CAMK2G: variants seen among roughly 807,000 people sequenced by gnomAD.
CAMK2G encodes the protein calcium/calmodulin-dependent protein kinase type II subunit gamma.
A neutral mutation model predicts 88.7 loss-of-function variants in CAMK2G; 23 were observed. That is an observed-to-expected ratio of 0.26 (90% CI 0.19 to 0.37). CAMK2G has a LOEUF of 0.37. Ranked by LOEUF, CAMK2G falls within the 10% of genes least tolerant of loss-of-function variation. The probability of loss-of-function intolerance (pLI) is 1.00; values close to 1 mark genes in which losing one functional copy is unlikely to be tolerated. For synonymous variants in CAMK2G, 263 were observed against 294.8 expected (o/e 0.89, Z 1.11); for missense variants, 476 against 780.8 (o/e 0.61, Z 4.65).
chr10:73,817,487 C>T lies in CAMK2G; in HGVS notation c.1431G>A (p.Glu477=). The T allele has an allele frequency of 6.2e-7, 1 of 1,609,662 alleles. No homozygotes were observed. Among genetic ancestry groups the T allele is most frequent in the Non-Finnish European group, 8.5e-7 (1 of 1,175,916 alleles). The change falls in exon 20 of 23, where the codon GAG becomes GAA. Residue 477 remains glutamate (E), a synonymous_variant. Coordinates refer to ENST00000423381, the MANE Select transcript of CAMK2G (RefSeq NM_001367534.1). ...LIEAINNGDF[E]AYTKICDPGL... ...AATGGGTCTCTACTTACGTGTAGGC[C>T]TCAAAGTCCCCATTGTTGATGGCTT...
chr10:73,871,918 T>C (rs1025506678), intron 2 of CAMK2G, among the ~76,000 whole-genome samples: 4 of 152,150 alleles, frequency 2.6e-5, no homozygotes. Flanking sequence ...GGGACATCTA[T>C]TATGTCTCTT....
Position 73,815,291 on chromosome 10 carries a change from C to G in CAMK2G, c.1535-44G>C, listed in dbSNP as rs763133101. On this transcript the variant is annotated intron_variant, in intron 21 of 22. Coordinates refer to ENST00000423381, the MANE Select transcript of CAMK2G (RefSeq NM_001367534.1). ...TAGGTAAGAGGACATCAGGCCTGGGCACCTGCATTTTCCTCCCAGCCTGCA... is the reference window on the plus strand; with the variant it reads ...TAGGTAAGAGGACATCAGGCCTGGGGACCTGCATTTTCCTCCCAGCCTGCA... The G allele has an allele frequency of 2.8e-5, 37 of 1,307,308 alleles. 1 individual carries two copies. Among genetic ancestry groups the G allele is most frequent in the Non-Finnish European group, 4.1e-5 (37 of 908,852 alleles). The allele number at this position is 1,307,308 out of a possible 1,614,324, so 81.0% of individuals were successfully genotyped here.
Position 73,872,338 on chromosome 10 carries a change from G to A in CAMK2G, c.160+651C>T, listed in dbSNP as rs144680411. On this transcript the variant is annotated intron_variant, in intron 2 of 22. Transcript: ENST00000423381. ...GCAGTGCAGTTCCTGCCCAAACCGG[G>A]CCTTTGGGATTTCTAGACCATGAGG... Among the ~76,000 whole-genome samples, 346 of 82,480 alleles carry A rather than the reference G, an allele frequency of 4.2e-3. 2 individuals carry two copies. Among genetic ancestry groups the A allele is most frequent in the Non-Finnish European group, 7.9e-3 (250 of 31,808 alleles). The allele number at this position is 82,480 out of a possible 152,430, so 54.1% of individuals were successfully genotyped here. A position where few individuals can be genotyped will look rare whatever the true frequency, so the allele number is the denominator to read the frequency against.
At chr10:73,841,997 T>TCAGCAG (rs2093826623) in intron 12 of CAMK2G, 172 bp downstream of exon 12, 1 of 650,960 alleles carries the variant, frequency 1.5e-6, no homozygotes, top group Non-Finnish European at 2.8e-6. Flanking sequence ...CCCCTGAATC[T>TCAGCAG]CAGGAGCAGG....
At chr10:73,826,515 GGAA>G (rs2091000984) in intron 15 of CAMK2G, among the ~76,000 whole-genome samples, 1 of 152,146 alleles carries the variant, frequency 6.6e-6, no homozygotes, top group Non-Finnish European at 1.5e-5. Flanking sequence ...ATGGAAGAAA[GGAA>G]GAAGGCTGAT....
intron 2 of CAMK2G, among the ~76,000 whole-genome samples, chr10:73,865,882 C>A (rs2095571285): frequency 6.6e-6 from 1 of 152,028 alleles, no homozygotes; most frequent in Non-Finnish European, 1.5e-5. Flanking sequence ...GCCCAGCCCC[C>A]CCCTTCCTGT....
intron 13 of CAMK2G, among the ~76,000 whole-genome samples, chr10:73,838,131 GAC>G (rs2093427696): frequency 1.3e-5 from 2 of 152,186 alleles, no homozygotes; most frequent in Non-Finnish European, 2.9e-5. Flanking sequence ...GAGCAGGAAG[GAC>G]TCGGCAGAAT....
At chr10:73,844,740 T>C (rs1386961060) in intron 10 of CAMK2G, among the ~76,000 whole-genome samples, 1 of 152,122 alleles carries the variant, frequency 6.6e-6, no homozygotes, top group African/African-American at 2.4e-5. Context: ...AGTATCACCA[T>C]TTATTTCCCA....
chr10:73,828,110 C>T lies in CAMK2G; in HGVS notation c.1065G>A (p.Ser355=), dbSNP rs754316862. ...TCACCATTAGGTGCACGCTGGAACTCGACTTCCTTTTCTGGACACACCACA... is the reference window on the plus strand; with the variant it reads ...TCACCATTAGGTGCACGCTGGAACTTGACTTCCTTTTCTGGACACACCACA... ...KSDGGVKKRK[S]SSSVHLMPQS... Residue 355 remains serine, a synonymous_variant, in exon 15 of 23, where the codon TCG becomes TCA. Transcript: ENST00000423381. 1.5e-5 allele frequency: 25 copies of T among 1,613,506 alleles called. No homozygotes were observed. The highest frequency in any genetic ancestry group is 1.5e-4 in the South Asian group (14 of 91,078).
chr10:73,827,045 T>C (rs1233553195), intron 15 of CAMK2G, among the ~76,000 whole-genome samples: 1 of 152,118 alleles, frequency 6.6e-6, no homozygotes, highest in African/African-American at 2.4e-5. Context: ...CAGTGAATGA[T>C]GCTGACCTGT....
At chr10:73,866,685 G>C (rs1003312282) in intron 2 of CAMK2G, among the ~76,000 whole-genome samples, 1 of 152,174 alleles carries the variant, frequency 6.6e-6, no homozygotes, top group Non-Finnish European at 1.5e-5. Flanking sequence ...CAACCCCACT[G>C]ATTTCAGGGC....
chr10:73,874,223 G>A (rs2095991359), intron 1 of CAMK2G, among the ~76,000 whole-genome samples, 174 bp downstream of exon 1: 1 of 145,128 alleles, frequency 6.9e-6, no homozygotes, highest in African/African-American at 2.5e-5. Context: ...CGCGGAGGGG[G>A]ATGCGGGGCA....
chr10:73,823,272 G>A (rs2089707847), intron 17 of CAMK2G, among the ~76,000 whole-genome samples: 1 of 151,904 alleles, frequency 6.6e-6, no homozygotes, highest in East Asian at 1.9e-4. Flanking sequence ...CTGGAGTGCA[G>A]TGGCGTGATC....
chr10:73,829,589 C>T (rs138343545), intron 14 of CAMK2G, among the ~76,000 whole-genome samples: 26 of 152,046 alleles, frequency 1.7e-4, no homozygotes, highest in Admixed American at 1.4e-3. Context: ...CGTGAGCCAC[C>T]GCACACAGCC....
intron 15 of CAMK2G, 61 bp downstream of exon 15, chr10:73,828,028 G>A (rs886856984): frequency 9.5e-6 from 13 of 1,374,332 alleles, no homozygotes; most frequent in African/African-American, 2.9e-5. Context: ...ACAGGTTTGC[G>A]TGGCTGGCAG....
chr10:73,822,185 G>A (rs989981965), intron 17 of CAMK2G, among the ~76,000 whole-genome samples: 3 of 151,798 alleles, frequency 2.0e-5, no homozygotes, highest in Admixed American at 6.6e-5. Context: ...TTTCTTTTTT[G>A]AAACAGAGTT....
At chr10:73,816,754 C>T (rs978038838) in intron 21 of CAMK2G, 16 of 1,420,030 alleles carry the variant, frequency 1.1e-5, no homozygotes, top group African/African-American at 7.1e-5. Flanking sequence ...CCACCGCGCC[C>T]GGCAAGAAAT....
intron 17 of CAMK2G, among the ~76,000 whole-genome samples, chr10:73,822,496 G>A (rs775438735): frequency 6.6e-6 from 1 of 152,200 alleles, no homozygotes; most frequent in Non-Finnish European, 1.5e-5. Context: ...CATGAGGCCA[G>A]AGTGGTGTTT....
At position 73,816,977 on chromosome 10, in the gene CAMK2G, G is replaced by A. The variant is rs776868428; in HGVS notation, c.1534+46C>T. 26 of 1,613,822 alleles carry A rather than the reference G, an allele frequency of 1.6e-5. No individual in the cohort carries two copies. In the South Asian group the frequency reaches 2.7e-4, roughly 17 times the overall value. ...GGTGAGCAGGAGACAGAGACAAAGGGGTAAAGGGGCAGGCAGGAGTATATC... is the reference window on the plus strand; with the variant it reads ...GGTGAGCAGGAGACAGAGACAAAGGAGTAAAGGGGCAGGCAGGAGTATATC... On this transcript the variant is annotated intron_variant, in intron 21 of 22. Coordinates refer to ENST00000423381, the MANE Select transcript of CAMK2G (RefSeq NM_001367534.1).
Sources: gnomAD v4.1 joint callset for allele counts (sites outside exome capture counted in the v4.1 genomes callset) on GRCh38, gnomAD v4.1.1 for gene constraint, MANE v1.5 for transcripts, NCBI Gene and HGNC (gene_info 2026-07-23, HGNC 2026-07-21) for gene names.